TMEM117: variants seen among roughly 807,000 people sequenced by gnomAD.
The protein encoded by TMEM117 is transmembrane protein 117.
TMEM117 carries 27 observed loss-of-function variants against 52.4 expected under a neutral mutation model. The observed-to-expected ratio is 0.51, with a 90% CI of 0.38 to 0.71. The LOEUF is 0.71. Among genes scored for constraint, TMEM117 ranks in the 30% least tolerant of loss-of-function variants. The probability of loss-of-function intolerance (pLI) is 0.00; values close to 1 mark genes in which losing one functional copy is unlikely to be tolerated. For missense variants in TMEM117, 556 were observed against 630.5 expected, an observed-to-expected ratio of 0.88 and a Z score of 1.26; for synonymous variants, 215 against 206.3, an observed-to-expected ratio of 1.04 and a Z score of -0.36.
chr12:44,248,763 C>G (rs1950161710), intron 5 of TMEM117: 1 of 172,442 alleles, frequency 5.8e-6, no homozygotes, highest in Admixed American at 6.0e-5. Flanking sequence ...CAGGGTGCCC[C>G]AACACCAGGC....
At chr12:44,352,891 A>G (rs1267620772) in intron 6 of TMEM117, among the ~76,000 whole-genome samples, 1 of 152,080 alleles carries the variant, frequency 6.6e-6, no homozygotes, top group Non-Finnish European at 1.5e-5. Flanking sequence ...ACAATGGTTG[A>G]ACTAGTTTAC....
chr12:43,979,257 A>G (rs1945721264), intron 3 of TMEM117, among the ~76,000 whole-genome samples: 2 of 152,088 alleles, frequency 1.3e-5, no homozygotes, highest in South Asian at 4.1e-4. Context: ...TTACTTTCTC[A>G]GGTACTATGA....
chr12:44,082,134 C>T (rs73286296), intron 3 of TMEM117, among the ~76,000 whole-genome samples: 5,351 of 151,972 alleles, frequency 0.035, 213 homozygotes, highest in African/African-American at 0.091. Context: ...ATGACATTGA[C>T]ACCATATTAA....
intron 3 of TMEM117, among the ~76,000 whole-genome samples, chr12:43,958,795 C>T (rs1441346881): frequency 3.3e-5 from 2 of 60,628 alleles, no homozygotes; most frequent in African/African-American, 6.6e-5. Context: ...TGCATGGTTT[C>T]TTTTTTTGTT....
At chr12:44,221,318 G>A (rs1438503218) in intron 5 of TMEM117, among the ~76,000 whole-genome samples, 1 of 152,160 alleles carries the variant, frequency 6.6e-6, no homozygotes, top group Non-Finnish European at 1.5e-5. Flanking sequence ...ATTCATTAAT[G>A]TTCAGTTGTT....
chr12:44,088,769 G>C lies in TMEM117; in HGVS notation c.411-54756G>C, dbSNP rs143476363. ...TTTACCTGGACTCTTAGGCACAAAT[G>C]GTTAACAACTGAGCTATACCACTCA... is the stretch of plus-strand genomic sequence containing the variant. On this transcript the variant is annotated intron_variant, in intron 3 of 7. Transcript: ENST00000266534. 1.0e-3 allele frequency among the ~76,000 whole-genome samples: 159 copies of C among 152,298 alleles called. 1 individual carries two copies. In the East Asian group the frequency reaches 0.022, roughly 21 times the overall value.
At chr12:44,337,630 T>C (rs1951358848) in intron 6 of TMEM117, among the ~76,000 whole-genome samples, 2 of 151,998 alleles carry the variant, frequency 1.3e-5, no homozygotes, top group African/African-American at 4.8e-5. Flanking sequence ...GACTAAGTCA[T>C]ACAGCTGTGA....
At chr12:44,349,822 A>C (rs950915725) in intron 6 of TMEM117, among the ~76,000 whole-genome samples, 1 of 152,072 alleles carries the variant, frequency 6.6e-6, no homozygotes, top group Non-Finnish European at 1.5e-5. Context: ...TGTACCATGT[A>C]CTAGAAACAT....
chr12:44,197,093 C>T (rs1324251975), intron 4 of TMEM117, among the ~76,000 whole-genome samples: 1 of 152,144 alleles, frequency 6.6e-6, no homozygotes, highest in Non-Finnish European at 1.5e-5. Context: ...ACTGAGCTAA[C>T]TCTTTTGGCT....
chr12:44,105,882 A>C (rs1433870449), intron 3 of TMEM117, among the ~76,000 whole-genome samples: 2 of 152,058 alleles, frequency 1.3e-5, no homozygotes, highest in Admixed American at 1.3e-4. Flanking sequence ...CTGAAAGTAT[A>C]AGGGTGTTTT....
At chr12:44,070,613 T>A (rs1947287267) in intron 3 of TMEM117, among the ~76,000 whole-genome samples, 1 of 152,126 alleles carries the variant, frequency 6.6e-6, no homozygotes, top group African/African-American at 2.4e-5. Context: ...AAGGAAGAGA[T>A]GGCAAGCTTC....
chr12:43,805,347 G>A, the TMEM117 span, among the ~76,000 whole-genome samples: 1 of 152,162 alleles, frequency 6.6e-6, no homozygotes, highest in Non-Finnish European at 1.5e-5. Context: ...TTCTGCGTGC[G>A]TGCAGGGGGA....
intron 6 of TMEM117, among the ~76,000 whole-genome samples, chr12:44,353,122 T>C (rs1307622001): frequency 4.6e-5 from 7 of 152,276 alleles, no homozygotes; most frequent in East Asian, 3.9e-4. Context: ...TCATATCCTT[T>C]GCCCACTTTT....
intron 4 of TMEM117, among the ~76,000 whole-genome samples, chr12:44,206,776 C>T (rs915115796): frequency 6.6e-6 from 1 of 152,040 alleles, no homozygotes; most frequent in Non-Finnish European, 1.5e-5. Flanking sequence ...TATATGGAGG[C>T]ACAATGATGG....
intron 2 of TMEM117, among the ~76,000 whole-genome samples, chr12:43,898,040 ACACG>A (rs1489628044): frequency 8.2e-5 from 11 of 134,882 alleles, no homozygotes; most frequent in African/African-American, 3.3e-4. Flanking sequence ...ACACACACAC[ACACG>A]CACGCACACA....
chr12:44,150,799 CTT>C (rs1368006276), intron 4 of TMEM117, among the ~76,000 whole-genome samples: 1 of 151,894 alleles, frequency 6.6e-6, no homozygotes, highest in African/African-American at 2.4e-5. Context: ...GATCAAGAGT[CTT>C]TTAATTTTCA....
At chr12:44,260,712 A>G (rs1369244593) in intron 5 of TMEM117, among the ~76,000 whole-genome samples, 1 of 152,168 alleles carries the variant, frequency 6.6e-6, no homozygotes, top group Non-Finnish European at 1.5e-5. Context: ...CTGTTTACGG[A>G]TAGAGATTAG....
chr12:44,105,818 G>T (rs896520071), intron 3 of TMEM117, among the ~76,000 whole-genome samples: 3 of 152,006 alleles, frequency 2.0e-5, no homozygotes, highest in Non-Finnish European at 2.9e-5. Flanking sequence ...TTGAGGGCAG[G>T]TCTCGTGAAG....
intron 3 of TMEM117, among the ~76,000 whole-genome samples, chr12:43,970,511 A>C (rs538594727): frequency 6.6e-6 from 1 of 152,010 alleles, no homozygotes; most frequent in Admixed American, 6.6e-5. Flanking sequence ...GATGGTCTCA[A>C]TCTCCTGACC....
Sources: gnomAD v4.1 joint callset for allele counts (sites outside exome capture counted in the v4.1 genomes callset) on GRCh38, gnomAD v4.1.1 for gene constraint, MANE v1.5 for transcripts, NCBI Gene and HGNC (gene_info 2026-07-23, HGNC 2026-07-21) for gene names.